DKC1: variants seen among roughly 807,000 people sequenced by gnomAD.
The protein encoded by DKC1 is H/ACA ribonucleoprotein complex subunit DKC1.
A neutral mutation model predicts 46.7 loss-of-function variants in DKC1; 4 were observed. That is an observed-to-expected ratio of 0.09 (90% CI 0.04 to 0.20). The LOEUF is 0.20. DKC1 is among the 10% of genes least tolerant of loss of function. DKC1 has a pLI of 1.00. For missense variants in DKC1, 171 were observed against 404.2 expected (o/e 0.42, Z 4.95); for synonymous variants, 141 against 142.4 (o/e 0.99, Z 0.07).
rs1557264254 is a variant in DKC1 at position 154,767,017 on chromosome X, G to A, written c.469G>A (p.Val157Ile). The change falls in exon 6 of 15, where the codon GTC becomes ATC. Residue 157 changes from valine (V) to isoleucine (I), a missense_variant. Val to Ile is a conservative substitution (Grantham distance 29). Transcript: ENST00000369550. ...TTCAGGCAAAGAGTATGTGGGGATT[G>A]TCCGGCTGCACAATGCTATTGAAGG... Reference protein sequence around the residue: ...QSAGKEYVGIVRLHNAIEGGT... With the variant: ...QSAGKEYVGIIRLHNAIEGGT... 3.3e-6 allele frequency: 4 copies of A among 1,211,659 alleles called. No homozygotes were observed. The highest frequency in any genetic ancestry group is 3.5e-5 in the South Asian group (2 of 57,014).
chrX:154,764,719 T>A (rs932870410), intron 1 of DKC1, among the ~76,000 whole-genome samples, 180 bp from the exon 2 acceptor site: 6 of 111,881 alleles, frequency 5.4e-5, no homozygotes, highest in African/African-American at 1.6e-4. Flanking sequence ...AGCTCTGTTA[T>A]AATCTTATGG....
At position 154,776,320 on chromosome X, in the gene DKC1, A is replaced by G; in HGVS notation, c.1472A>G (p.Asp491Gly). The G allele has an allele frequency of 3.4e-6, 4 of 1,189,900 alleles. No homozygotes were observed. The highest frequency in any genetic ancestry group is 4.5e-6 in the Non-Finnish European group (4 of 884,088). ...CTGGAGAGCGGGGCCGAGCCTGGAG[A>G]TGGGGTGTGTGGAAACACGTTCAGG... is the stretch of plus-strand genomic sequence containing the variant. Reference protein sequence around the residue: ...AGLESGAEPGDGDSDTTKKKK... With the variant: ...AGLESGAEPGGGDSDTTKKKK... Residue 491 changes from aspartate to glycine, a missense_variant, in exon 14 of 15, where the codon GAT becomes GGT. By Grantham distance (94) the Asp-to-Gly change is moderately conservative. This residue lies in a region of DKC1 where 54 missense variants were observed against 64.4 expected (regional missense o/e 0.84). Transcript: ENST00000369550.
intron 9 of DKC1, 114 bp from the exon 10 acceptor site, chrX:154,770,645 C>A: frequency 9.7e-7 from 1 of 1,034,337 alleles, no homozygotes; most frequent in Non-Finnish European, 1.3e-6. Context: ...CTATAAGTGT[C>A]ATCCCTGTTT....
intron 8 of DKC1, chrX:154,768,943 C>T (rs909422734): frequency 2.9e-5 from 10 of 344,113 alleles, no homozygotes; most frequent in South Asian, 1.3e-4. Context: ...GCCGAGATTG[C>T]GCCACTGCAG....
chrX:154,769,086 C>T, intron 8 of DKC1, 81 bp from the exon 9 acceptor site: 1 of 907,774 alleles, frequency 1.1e-6, no homozygotes, highest in South Asian at 1.9e-5. Flanking sequence ...AAACAAGTGA[C>T]ATTCAGTTTT....
chrX:154,773,467 T>C (rs2071851247), intron 11 of DKC1, among the ~76,000 whole-genome samples: 2 of 109,413 alleles, frequency 1.8e-5, no homozygotes, highest in East Asian at 5.7e-4. Context: ...AGTGTCTGTG[T>C]CCCTGATTAC....
chrX:154,775,892 G>A (rs782455736), intron 13 of DKC1, among the ~76,000 whole-genome samples: 1 of 112,055 alleles, frequency 8.9e-6, no homozygotes, highest in South Asian at 3.7e-4. Context: ...CCTGCTTTCT[G>A]TGAGAGGTCC....
Position 154,776,964 on chromosome X carries a change from A to G in DKC1, c.*97A>G, listed in dbSNP as rs7878787. The G allele has an allele frequency of 8.5e-3, 6,526 of 764,553 alleles. 281 individuals are homozygous for G. The African/African-American group carries it at 0.12, about 14-fold the overall frequency. The allele number at this position is 764,553 out of a possible 1,213,427, so 63.0% of individuals were successfully genotyped here. On this transcript the variant is annotated 3_prime_UTR_variant, in exon 15 of 15. Transcript: ENST00000369550. ...TGAGAGAGTGGAACATAGGTCCTAGACAGGGTGAAGAGTTCTGGCACATTT... is the reference window on the plus strand; with the variant it reads ...TGAGAGAGTGGAACATAGGTCCTAGGCAGGGTGAAGAGTTCTGGCACATTT...
At chrX:154,775,691 C>G (rs1040805835) in intron 13 of DKC1, among the ~76,000 whole-genome samples, 1 of 112,182 alleles carries the variant, frequency 8.9e-6, no homozygotes, top group African/African-American at 3.2e-5. Flanking sequence ...AGCAGAATTG[C>G]ATCTTAACCT....
chrX:154,773,935 ACC>A lies in DKC1; in HGVS notation c.1156-659_1156-658del, dbSNP rs1297904648. On this transcript the variant is annotated intron_variant, in intron 11 of 14. Transcript: ENST00000369550. ...GGCGGCTGGCCGGGCGGGGGGGCTG[ACC>A]CCCCCCCACCTCCCTCCCGGATGGG... Among the ~76,000 whole-genome samples, 12 of 97,342 alleles carry A rather than the reference ACC, an allele frequency of 1.2e-4. No homozygotes were observed. In the South Asian group the frequency reaches 2.8e-3, roughly 23 times the overall value. The allele number at this position is 97,342 out of a possible 115,157, so 84.5% of individuals were successfully genotyped here.
chrX:154,767,220 G>A, intron 6 of DKC1, 36 bp from the exon 7 acceptor site: 2 of 1,211,389 alleles, frequency 1.7e-6, no homozygotes, highest in Non-Finnish European at 2.2e-6. Flanking sequence ...TGTACATTCT[G>A]ATGAGGTGTT....
intron 10 of DKC1, among the ~76,000 whole-genome samples, chrX:154,771,536 C>T (rs2071826740): frequency 9.3e-6 from 1 of 107,649 alleles, no homozygotes; most frequent in Non-Finnish European, 1.9e-5. Flanking sequence ...TGCCAGCCCC[C>T]CACTACCCTC....
In DKC1 at chrX:154,776,873, G is replaced by T. The variant is rs1800533; in HGVS notation, c.*6G>T. 2 of 1,182,410 alleles carry T rather than the reference G, an allele frequency of 1.7e-6. No homozygotes were observed. The highest frequency in any genetic ancestry group is 3.5e-5 in the African/African-American group (2 of 56,482). ...TAGAATTGGTTTCTGAGTAGTGAAGGCCACTTGAAGCTGGAGGAGAAACTA... is the reference window on the plus strand; with the variant it reads ...TAGAATTGGTTTCTGAGTAGTGAAGTCCACTTGAAGCTGGAGGAGAAACTA... On this transcript the variant is annotated 3_prime_UTR_variant, in exon 15 of 15. Coordinates refer to ENST00000369550, the MANE Select transcript of DKC1 (RefSeq NM_001363.5).
chrX:154,769,419 C>T (rs2148512622), intron 9 of DKC1, 109 bp downstream of exon 9: 1 of 889,835 alleles, frequency 1.1e-6, no homozygotes, highest in Admixed American at 2.5e-5. Flanking sequence ...CAAGTCCAAA[C>T]CAAGTATATT....
chrX:154,766,068 G>C (rs1395556621), intron 4 of DKC1, 70 bp downstream of exon 4: 88 of 1,005,569 alleles, frequency 8.8e-5, no homozygotes, highest in Non-Finnish European at 1.1e-4. Flanking sequence ...AGCTATTCAG[G>C]AAGGCAGTGG....
Position 154,773,288 on chromosome X carries a change from T to TA in DKC1, c.1155+39_1155+40insA, listed in dbSNP as rs782190075. 7.8e-6 allele frequency: 5 copies of TA among 639,573 alleles called. No homozygotes were observed. In the South Asian group the frequency reaches 1.5e-4, roughly 19 times the overall value. The allele number at this position is 639,573 out of a possible 1,213,427, so 52.7% of individuals were successfully genotyped here. On this transcript the variant is annotated intron_variant, in intron 11 of 14. Transcript: ENST00000369550. ...GGTTGCGTGCCCTGCCAGGTTCTTT[T>TA]TTTTTTTTTTTTTTTTTTAAATTTA...
rs1421560406 is a variant in DKC1, at chrX:154,767,241, T to G, written c.514-15T>G. On this transcript the variant is annotated splice_polypyrimidine_tract_variant and intron_variant, in intron 6 of 14. Coordinates refer to ENST00000369550, the MANE Select transcript of DKC1 (RefSeq NM_001363.5). ...TTCTGATGAGGTGTTTGTTTTCATT[T>G]GTGTTTGTTCTTAGGCCCTAGAAAC... The G allele has an allele frequency of 5.8e-6, 7 of 1,210,036 alleles. No individual in the cohort carries two copies. The highest frequency in any genetic ancestry group is 7.8e-6 in the Non-Finnish European group (7 of 895,153).
rs782718798 is a variant in DKC1, at chrX:154,764,976, A to T, written c.84+10A>T. On this transcript the variant is annotated intron_variant, in intron 2 of 14. Coordinates refer to ENST00000369550, the MANE Select transcript of DKC1 (RefSeq NM_001363.5). ...AGAAGAAGATGTAGCCGTGAGTAGT[A>T]ATGTGTTTGACTTCACTTTGACTAA... 29 of 1,172,743 alleles carry T rather than the reference A, an allele frequency of 2.5e-5. No individual in the cohort carries two copies. In the Middle Eastern group the frequency reaches 2.8e-3, roughly 114 times the overall value.
In DKC1 at chrX:154,775,208, AAAG is replaced by A. The variant is rs1387385247; in HGVS notation, c.1275_1277del (p.Glu426del). 3.3e-6 allele frequency: 4 copies of A among 1,210,738 alleles called. No individual in the cohort carries two copies. Among genetic ancestry groups the A allele is most frequent in the Non-Finnish European group, 4.5e-6 (4 of 895,341 alleles). On this transcript the variant is annotated inframe_deletion, in exon 13 of 15. Transcript: ENST00000369550. Reference sequence around the variant, plus strand: ...CCTCTTTTTCAGTGAGTCTGCCAAAAAAGAGGTGGTTGCTGAAGTGGTAAAAGC... The same window carrying A: ...CCTCTTTTTCAGTGAGTCTGCCAAAAAGGTGGTTGCTGAAGTGGTAAAAGC...
Sources: allele counts gnomAD v4.1 joint callset (sites outside exome capture counted in the v4.1 genomes callset), GRCh38; gene constraint gnomAD v4.1.1; regional missense constraint gnomAD v4.1.1; transcripts MANE v1.5; gene names NCBI Gene and HGNC (gene_info 2026-07-23, HGNC 2026-07-21).